NID2: variants seen among roughly 807,000 people sequenced by gnomAD.
NID2 encodes the protein nidogen 2, also known as nidogen-2.
In NID2, 83 loss-of-function variants were observed where a neutral mutation model predicts 145.4. That is an observed-to-expected ratio of 0.57 (90% CI 0.48 to 0.69). The LOEUF (loss-of-function observed/expected upper bound fraction) is 0.69, where lower values mean the gene tolerates loss of function less well. NID2 is among the 30% of genes least tolerant of loss of function. The probability of loss-of-function intolerance (pLI) is 0.00; values close to 1 mark genes in which losing one functional copy is unlikely to be tolerated. For missense variants in NID2, 1,807 were observed against 1,765.7 expected, an observed-to-expected ratio of 1.02 and a Z score of -0.42; for synonymous variants, 739 against 701.3, an observed-to-expected ratio of 1.05 and a Z score of -0.85.
intron 2 of NID2, among the ~76,000 whole-genome samples, chr14:52,067,476 A>G (rs1273061345): frequency 1.3e-5 from 2 of 152,190 alleles, no homozygotes; most frequent in Non-Finnish European, 2.9e-5. Flanking sequence ...TTCTTTTTTA[A>G]AATTATCTGT....
At chr14:52,007,257 TG>T (rs1258842102) in intron 19 of NID2, 1 of 154,708 alleles carries the variant, frequency 6.5e-6, no homozygotes, top group Non-Finnish European at 1.4e-5. Context: ...GTTATAAAAG[TG>T]ACCTATGTAC....
intron 5 of NID2, among the ~76,000 whole-genome samples, chr14:52,050,281 C>T (rs899230052): frequency 6.6e-6 from 1 of 152,154 alleles, no homozygotes; most frequent in African/African-American, 2.4e-5. Flanking sequence ...CTTAATCAAC[C>T]TTTGTCTCTG....
intron 20 of NID2, 29 bp downstream of exon 20, chr14:52,006,508 C>A (rs1471568933): frequency 1.2e-6 from 2 of 1,612,304 alleles, no homozygotes; most frequent in Admixed American, 1.7e-5. Context: ...TTGGCCTTTT[C>A]AGGCTTGTCC....
chr14:52,047,268 A>T lies in NID2; in HGVS notation c.1430-4337T>A, dbSNP rs1393551116. Among the ~76,000 whole-genome samples the T allele has an allele frequency of 2.0e-5, 3 of 152,278 alleles. No homozygotes were observed. The East Asian group carries it at 5.8e-4, about 29-fold the overall frequency. On this transcript the variant is annotated intron_variant, in intron 5 of 21. Transcript: ENST00000216286. Reference sequence around the variant, plus strand: ...GAAAGACAAGAGGGTGGGAGGGGGCAGGTGTACATGGCTCTTTTTAATAGC... The same window carrying T: ...GAAAGACAAGAGGGTGGGAGGGGGCTGGTGTACATGGCTCTTTTTAATAGC...
chr14:52,031,331 C>T (rs1891864303), intron 9 of NID2, among the ~76,000 whole-genome samples: 2 of 152,124 alleles, frequency 1.3e-5, no homozygotes, highest in African/African-American at 4.8e-5. Flanking sequence ...AAGGCAATTC[C>T]CCATTGGCAG....
chr14:52,006,358 A>G, intron 20 of NID2, 179 bp downstream of exon 20: 1 of 646,032 alleles, frequency 1.5e-6, no homozygotes, highest in Non-Finnish European at 2.6e-6. Flanking sequence ...GATGATTTCA[A>G]AAACATGAAA....
Position 52,028,765 on chromosome 14 carries a change from G to T in NID2, c.2487C>A (p.Cys829Ter). The T allele has an allele frequency of 6.2e-7, 1 of 1,613,938 alleles. No homozygotes were observed. Among genetic ancestry groups the T allele is most frequent in the Non-Finnish European group, 8.5e-7 (1 of 1,179,918 alleles). The change falls in exon 11 of 22, where the codon TGC (cysteine) becomes TGA (stop). Residue 829 changes from cysteine (C) to a stop codon, truncating the protein, a stop_gained. Transcript: ENST00000216286. LOFTEE classifies it high-confidence loss of function. ...INLPGSYRCECRSGYEFADDR... is the reference protein window; with the variant it reads ...INLPGSYRCE ...CATCTGCAAACTCATAACCACTCCGGCACTCACACCTGTAGCTTCCAGGCA... is the reference window on the plus strand; with the variant it reads ...CATCTGCAAACTCATAACCACTCCGTCACTCACACCTGTAGCTTCCAGGCA...
intron 11 of NID2, 78 bp downstream of exon 11, chr14:52,028,644 G>A (rs1891682897): frequency 6.7e-7 from 1 of 1,503,682 alleles, no homozygotes; most frequent in East Asian, 2.3e-5. Context: ...AATAGCAGAA[G>A]TCAAAACACT....
intron 12 of NID2, among the ~76,000 whole-genome samples, chr14:52,026,597 TCA>T (rs1491241585): frequency 6.6e-6 from 1 of 152,258 alleles, no homozygotes; most frequent in African/African-American, 2.4e-5. Context: ...ACATTTATAC[TCA>T]GAGAGTTATG....
At chr14:52,018,964 A>G (rs1891308378) in intron 14 of NID2, 97 bp downstream of exon 14, 3 of 808,330 alleles carry the variant, frequency 3.7e-6, no homozygotes, top group Non-Finnish European at 6.2e-6. Flanking sequence ...GCTATGAAGG[A>G]TGGTGACTGG....
At position 52,060,176 on chromosome 14, in the gene NID2, C is replaced by A; in HGVS notation, c.715G>T (p.Gly239Ter). Residue 239 changes from glycine (G) to a stop codon, truncating the protein, a stop_gained, in exon 3 of 22, where the codon GGA (glycine) becomes TGA (stop). Transcript: ENST00000216286. LOFTEE classifies it high-confidence loss of function. ...RGEADDLKSE[G>*]PYFSLTSTEQ... Reference sequence around the variant, plus strand: ...GTGCTAGTCAAGCTGAAATATGGTCCTTCTGACTTCAGATCATCAGCCTCC... The same window carrying A: ...GTGCTAGTCAAGCTGAAATATGGTCATTCTGACTTCAGATCATCAGCCTCC... 6.2e-7 allele frequency: 1 copy of A among 1,613,956 alleles called. No individual in the cohort carries two copies. Among genetic ancestry groups the A allele is most frequent in the Non-Finnish European group, 8.5e-7 (1 of 1,179,940 alleles).
chr14:52,053,988 G>T, intron 4 of NID2, 32 bp downstream of exon 4: 1 of 1,611,048 alleles, frequency 6.2e-7, no homozygotes, highest in Non-Finnish European at 8.5e-7. Context: ...GCAAGGGGGA[G>T]GACAGATCAG....
In NID2 at chr14:52,054,028, G is replaced by T. The variant is rs35657569; in HGVS notation, c.1061C>A (p.Pro354His). The T allele has an allele frequency of 0.086, 139,508 of 1,613,652 alleles. 6,932 individuals are homozygous for T. Among genetic ancestry groups the T allele is most frequent in the Non-Finnish European group, 0.1 (119,151 of 1,179,748 alleles). ...TGGAGGGGAGATCCTACCCTCTAAA[G>T]GCTTTGTATCCACTTTGGATTGGAA... ...VSFQSKVDTK[P>H]LEESSTLDPH... Residue 354 changes from proline (P) to histidine (H), a missense_variant, in exon 4 of 22, where the codon CCT becomes CAT. Transcript: ENST00000216286.
At chr14:52,023,941 C>A (rs2140367570) in intron 12 of NID2, among the ~76,000 whole-genome samples, 1 of 152,334 alleles carries the variant, frequency 6.6e-6, no homozygotes, top group East Asian at 1.9e-4. Context: ...TTTAACAATG[C>A]ATAGCACCCA....
At chr14:52,012,965 G>A (rs1465254491) in intron 16 of NID2, among the ~76,000 whole-genome samples, 3 of 152,182 alleles carry the variant, frequency 2.0e-5, no homozygotes, top group South Asian at 4.1e-4. Context: ...TGTACAAAAC[G>A]GGATTTGGCT....
chr14:52,039,886 ATCTTT>A (rs1892212808), intron 8 of NID2, among the ~76,000 whole-genome samples: 1 of 152,238 alleles, frequency 6.6e-6, no homozygotes, highest in Non-Finnish European at 1.5e-5. Flanking sequence ...ATAAATTCTT[ATCTTT>A]TGACTCCAAA....
intron 18 of NID2, 107 bp downstream of exon 18, chr14:52,010,769 T>G (rs570702536): frequency 1.8e-6 from 2 of 1,117,926 alleles, no homozygotes; most frequent in African/African-American, 3.1e-5. Context: ...ATGAATGCAT[T>G]TGAGCTTTCA....
chr14:52,014,920 T>G, intron 15 of NID2, 134 bp downstream of exon 15: 1 of 732,422 alleles, frequency 1.4e-6, no homozygotes, highest in South Asian at 1.9e-5. Context: ...AGATTATAAA[T>G]CAACATAGCA....
chr14:52,037,331 A>G (rs547894828), intron 9 of NID2, among the ~76,000 whole-genome samples: 1 of 152,140 alleles, frequency 6.6e-6, no homozygotes, highest in South Asian at 2.1e-4. Flanking sequence ...TTTAGGGTAC[A>G]TGTTTACAAC....
Sources: allele counts gnomAD v4.1 joint callset (sites outside exome capture counted in the v4.1 genomes callset), GRCh38; gene constraint gnomAD v4.1.1; transcripts MANE v1.5; gene names NCBI Gene and HGNC (gene_info 2026-07-23, HGNC 2026-07-21).